The following ADGRG6 variants were observed in gnomAD, a reference collection of about 807,000 sequenced individuals.
ADGRG6 encodes G-protein coupled receptor 126.
Under a neutral mutation model 142.4 loss-of-function variants are expected in ADGRG6, and 84 were observed. The ratio of observed to expected loss-of-function variants is 0.59; its 90% CI spans 0.49 to 0.71. ADGRG6 has a LOEUF of 0.71. Among genes scored for constraint, ADGRG6 ranks in the 30% least tolerant of loss-of-function variants. The pLI is 0.00. For missense variants in ADGRG6, 1,367 were observed against 1,466.6 expected (o/e 0.93, Z 1.11); for synonymous variants, 521 against 520.5 (o/e 1.00, Z -0.01).
At chr6:142,443,250 A>G (rs899124675) in intron 24 of ADGRG6, 87 bp from the exon 25 acceptor site, 12 of 722,172 alleles carry the variant, frequency 1.7e-5, no homozygotes, top group Non-Finnish European at 2.7e-5. Context: ...TTCTTCTTTA[A>G]TGTGCAAAAC....
chr6:142,398,993 G>A (rs369571629), intron 10 of ADGRG6, among the ~76,000 whole-genome samples: 5 of 152,050 alleles, frequency 3.3e-5, no homozygotes, highest in East Asian at 1.9e-4. Context: ...AACACTTGTT[G>A]AATAGACAAA....
intron 22 of ADGRG6, among the ~76,000 whole-genome samples, chr6:142,425,996 C>A (rs1054612294): frequency 6.6e-6 from 1 of 152,152 alleles, no homozygotes; most frequent in Non-Finnish European, 1.5e-5. Flanking sequence ...CTGGGTTCCT[C>A]CCATGATGTG....
chr6:142,371,306 G>C (rs1444802151), intron 4 of ADGRG6, among the ~76,000 whole-genome samples: 1 of 151,494 alleles, frequency 6.6e-6, no homozygotes, highest in Non-Finnish European at 1.5e-5. Context: ...GGGACCACAG[G>C]CGTGCACCAC....
chr6:142,423,424 G>T (rs539394422), intron 22 of ADGRG6, among the ~76,000 whole-genome samples: 1 of 152,200 alleles, frequency 6.6e-6, no homozygotes, highest in African/African-American at 2.4e-5. Flanking sequence ...AATTAAATAG[G>T]GAATCCTTTC....
At chr6:142,324,959 T>A (rs1229591064) in intron 2 of ADGRG6, among the ~76,000 whole-genome samples, 2 of 152,092 alleles carry the variant, frequency 1.3e-5, no homozygotes, top group African/African-American at 4.8e-5. Context: ...ACTCTTCAGT[T>A]TGATGTGAAG....
At chr6:142,412,578 A>G (rs1327717758) in intron 18 of ADGRG6, among the ~76,000 whole-genome samples, 1 of 152,216 alleles carries the variant, frequency 6.6e-6, no homozygotes, top group Non-Finnish European at 1.5e-5. Flanking sequence ...AGTCATTTAA[A>G]AAGGTGATAA....
At chr6:142,381,508 A>G (rs1295347299) in intron 4 of ADGRG6, among the ~76,000 whole-genome samples, 1 of 152,222 alleles carries the variant, frequency 6.6e-6, no homozygotes, top group African/African-American at 2.4e-5. Context: ...TCACAGAAAC[A>G]TATTTCTGGA....
rs748701889 is a variant in ADGRG6 at position 142,390,287 on chromosome 6, A to T, written c.1252A>T (p.Ile418Phe). Reference sequence around the variant, plus strand: ...AATTATCTATAGAATATCCGTAGTGATTCAGAACATCCTTCGTCACCCTGA... The same window carrying T: ...AATTATCTATAGAATATCCGTAGTGTTTCAGAACATCCTTCGTCACCCTGA... ...DGIIYRISVV[I>F]QNILRHPEVK... Residue 418 changes from isoleucine to phenylalanine, a missense_variant, in exon 7 of 25, where the codon ATT (isoleucine) becomes TTT (phenylalanine). Coordinates refer to ENST00000367609, the MANE Select transcript of ADGRG6 (RefSeq NM_198569.3). The T allele has an allele frequency of 6.3e-7, 1 of 1,598,566 alleles. No individual in the cohort carries two copies. The highest frequency in any genetic ancestry group is 2.2e-5 in the East Asian group (1 of 44,538).
intron 9 of ADGRG6, among the ~76,000 whole-genome samples, chr6:142,394,849 A>G (rs1775089360): frequency 6.6e-6 from 1 of 151,782 alleles, no homozygotes; most frequent in Non-Finnish European, 1.5e-5. Flanking sequence ...AGCCCCCCCC[A>G]GAGTGCTGGG....
At chr6:142,332,465 C>T (rs543134327) in intron 2 of ADGRG6, among the ~76,000 whole-genome samples, 9 of 149,052 alleles carry the variant, frequency 6.0e-5, no homozygotes, top group African/African-American at 1.7e-4. Context: ...CCACTAAATT[C>T]GAATTTTTTA....
chr6:142,410,547 G>A (rs1317752513), intron 17 of ADGRG6, among the ~76,000 whole-genome samples: 1 of 152,006 alleles, frequency 6.6e-6, no homozygotes, highest in African/African-American at 2.4e-5. Context: ...CCCCTTGTGA[G>A]GATTATTGTG....
intron 2 of ADGRG6, among the ~76,000 whole-genome samples, chr6:142,317,701 AAT>A (rs991945261): frequency 2.3e-4 from 26 of 114,700 alleles, no homozygotes; most frequent in African/African-American, 8.7e-4. Flanking sequence ...TCATTCAGTA[AAT>A]ATATATATAT....
intron 2 of ADGRG6, among the ~76,000 whole-genome samples, chr6:142,366,869 C>T (rs1037210136): frequency 6.6e-6 from 1 of 151,472 alleles, no homozygotes; most frequent in Non-Finnish European, 1.5e-5. Context: ...TAAATATTTA[C>T]TAAATGAATG....
rs904704575 is a variant in ADGRG6 at position 142,306,885 on chromosome 6, G to A, written c.3-2659G>A. Among the ~76,000 whole-genome samples the A allele has an allele frequency of 3.3e-5, 5 of 152,100 alleles. No individual in the cohort carries two copies. In the East Asian group the frequency reaches 7.7e-4, roughly 23 times the overall value. On this transcript the variant is annotated intron_variant, in intron 1 of 24. Coordinates refer to ENST00000367609, the MANE Select transcript of ADGRG6 (RefSeq NM_198569.3). ...ATCTTCTTCAGTAAACAGTAAAGTG[G>A]ATGAAAGTTGGCCTGTCCTATGGTT...
rs753165364 is a variant in ADGRG6, at chr6:142,309,655, T to C, written c.103+11T>C. The C allele has an allele frequency of 1.0e-5, 15 of 1,502,028 alleles. No individual in the cohort carries two copies. Among genetic ancestry groups the C allele is most frequent in the African/African-American group, 1.4e-5 (1 of 72,528 alleles). 93.0% of individuals were successfully genotyped at this position (1,502,028 alleles called of 1,614,324 possible). ...GTGTTCCTCACTCAGGTAAGACTCT[T>C]CCTCTTTCACACCTGGAATTTAATC... is the stretch of plus-strand genomic sequence containing the variant. On this transcript the variant is annotated intron_variant, in intron 2 of 24. Coordinates refer to ENST00000367609, the MANE Select transcript of ADGRG6 (RefSeq NM_198569.3).
chr6:142,440,254 T>C (rs1004650636), intron 24 of ADGRG6, among the ~76,000 whole-genome samples: 4 of 152,094 alleles, frequency 2.6e-5, no homozygotes, highest in African/African-American at 9.7e-5. Context: ...ATATTGTCTG[T>C]TCTTCATTTT....
intron 23 of ADGRG6, chr6:142,437,909 A>AG: frequency 3.9e-6 from 1 of 259,280 alleles, no homozygotes; most frequent in Middle Eastern, 1.1e-3. Flanking sequence ...AAAAAAAAAA[A>AG]CTGAAAAAAC....
At position 142,370,433 on chromosome 6, in the gene ADGRG6, T is replaced by C; in HGVS notation, c.709T>C (p.Leu237=). 1 of 1,613,728 alleles carries C rather than the reference T, an allele frequency of 6.2e-7. No homozygotes were observed. Among genetic ancestry groups the C allele is most frequent in the Non-Finnish European group, 8.5e-7 (1 of 1,179,674 alleles). ...SDSKCLLNNA[L]PVKEKEDIFA... Reference sequence around the variant, plus strand: ...TTCAAAATGTTTGTTGAATAATGCATTACCTGTCAAAGAAAAAGAAGACAT... The same window carrying C: ...TTCAAAATGTTTGTTGAATAATGCACTACCTGTCAAAGAAAAAGAAGACAT... The change falls in exon 4 of 25, where the codon TTA becomes CTA. Residue 237 remains leucine, a synonymous_variant. Transcript: ENST00000367609.
intron 2 of ADGRG6, among the ~76,000 whole-genome samples, chr6:142,342,687 A>G (rs1215699311): frequency 6.6e-6 from 1 of 151,988 alleles, no homozygotes; most frequent in African/African-American, 2.4e-5. Flanking sequence ...ACCTTATAAG[A>G]TATTTAAAAA....
Sources: gnomAD v4.1 joint callset for allele counts (sites outside exome capture counted in the v4.1 genomes callset) on GRCh38, gnomAD v4.1.1 for gene constraint, MANE v1.5 for transcripts, NCBI Gene and HGNC (gene_info 2026-07-23, HGNC 2026-07-21) for gene names.